ZDHHC20: variants seen among roughly 807,000 people sequenced by gnomAD.
ZDHHC20 encodes palmitoyltransferase ZDHHC20.
ZDHHC20 carries 43 observed loss-of-function variants against 57.8 expected under a neutral mutation model. The ratio of observed to expected loss-of-function variants is 0.74; its 90% confidence interval spans 0.58 to 0.96. The LOEUF is 0.96. Ranked by LOEUF, ZDHHC20 falls within the 40% of genes least tolerant of loss-of-function variation. The pLI, the probability that ZDHHC20 is intolerant of heterozygous loss-of-function variation, is 0.00. For synonymous variants in ZDHHC20, 157 were observed against 153.0 expected, an observed-to-expected ratio of 1.03 and a Z score of -0.19; for missense variants, 391 against 441.1, an observed-to-expected ratio of 0.89 and a Z score of 1.02.
chr13:21,393,276 G>A (rs1490572634), intron 7 of ZDHHC20, among the ~76,000 whole-genome samples: 2 of 151,844 alleles, frequency 1.3e-5, no homozygotes, highest in African/African-American at 2.4e-5. Flanking sequence ...GCGGAGACAG[G>A]CGGATCACTT....
chr13:21,380,865 A>G (rs1873249938), intron 11 of ZDHHC20, among the ~76,000 whole-genome samples: 1 of 152,118 alleles, frequency 6.6e-6, no homozygotes, highest in African/African-American at 2.4e-5. Context: ...TCAGTGGAGA[A>G]ATATGTGGCT....
At chr13:21,389,045 T>C (rs182051903) in intron 8 of ZDHHC20, among the ~76,000 whole-genome samples, 55 of 152,304 alleles carry the variant, frequency 3.6e-4, no homozygotes, top group Non-Finnish European at 7.1e-4. Context: ...TATTCAAGTT[T>C]AAAATTTCAT....
chr13:21,426,226 C>T (rs535707798), intron 1 of ZDHHC20, among the ~76,000 whole-genome samples: 2 of 152,178 alleles, frequency 1.3e-5, no homozygotes, highest in Non-Finnish European at 1.5e-5. Flanking sequence ...TTTCTTCCAC[C>T]TTGTATTACT....
chr13:21,406,361 A>G (rs1878440300), intron 4 of ZDHHC20, among the ~76,000 whole-genome samples: 1 of 152,260 alleles, frequency 6.6e-6, no homozygotes, highest in Admixed American at 6.5e-5. Flanking sequence ...AAGCATTTCA[A>G]CCAGGTTTCT....
chr13:21,391,240 T>A (rs1875653708), intron 8 of ZDHHC20, among the ~76,000 whole-genome samples: 1 of 152,188 alleles, frequency 6.6e-6, no homozygotes, highest in Non-Finnish European at 1.5e-5. Context: ...GTGCTGGGAT[T>A]ACAGGTGTGA....
intron 1 of ZDHHC20, among the ~76,000 whole-genome samples, chr13:21,450,284 G>A (rs1422916811): frequency 2.6e-5 from 4 of 152,136 alleles, no homozygotes; most frequent in Non-Finnish European, 5.9e-5. Flanking sequence ...AAGGGAGCGG[G>A]CAGAGAAGCA....
rs1881154827 is a variant in ZDHHC20, at chr13:21,425,563, AAC to A, written c.145+87_145+88del. 6.3e-6 allele frequency: 6 copies of A among 956,410 alleles called. No homozygotes were observed. The South Asian group carries it at 1.1e-4, about 18-fold the overall frequency. 59.2% of individuals were successfully genotyped at this position (956,410 alleles called of 1,614,324 possible). On this transcript the variant is annotated intron_variant, in intron 2 of 12. Coordinates refer to ENST00000400590, the MANE Select transcript of ZDHHC20 (RefSeq NM_001330059.2). ...AGGGATTTTATTTCTAAAAAACAAAAACACATGCATTCATCACTAAATAAAAA... is the reference window on the plus strand; with the variant it reads ...AGGGATTTTATTTCTAAAAAACAAAAACATGCATTCATCACTAAATAAAAA...
At chr13:21,401,626 C>A in intron 6 of ZDHHC20, 27 bp downstream of exon 6, 1 of 1,528,832 alleles carries the variant, frequency 6.5e-7, no homozygotes, top group South Asian at 1.3e-5. Flanking sequence ...ACCACCAATG[C>A]AATTTCTTCT....
intron 3 of ZDHHC20, among the ~76,000 whole-genome samples, chr13:21,414,925 CTTCA>C (rs1277396914): frequency 6.6e-6 from 1 of 150,752 alleles, no homozygotes; most frequent in Non-Finnish European, 1.5e-5. Flanking sequence ...GAGATTTGTT[CTTCA>C]TTGTGTTTTA....
At chr13:21,398,344 G>A (rs1877123941) in intron 7 of ZDHHC20, among the ~76,000 whole-genome samples, 1 of 151,934 alleles carries the variant, frequency 6.6e-6, no homozygotes, top group Non-Finnish European at 1.5e-5. Flanking sequence ...GGTGCCTGTA[G>A]TCCCAGCTAC....
intron 1 of ZDHHC20, among the ~76,000 whole-genome samples, chr13:21,442,450 T>A (rs1254164039): frequency 6.6e-6 from 1 of 152,224 alleles, no homozygotes; most frequent in Non-Finnish European, 1.5e-5. Flanking sequence ...CTGTTTTTAT[T>A]GAGTTTTAAA....
chr13:21,428,470 T>C (rs1881539650), intron 1 of ZDHHC20, among the ~76,000 whole-genome samples: 1 of 151,570 alleles, frequency 6.6e-6, no homozygotes, highest in Non-Finnish European at 1.5e-5. Context: ...CCACCTGCCT[T>C]GGACTCCTGA....
chr13:21,448,593 T>C (rs1434169688), intron 1 of ZDHHC20, among the ~76,000 whole-genome samples: 3 of 49,036 alleles, frequency 6.1e-5, no homozygotes, highest in Admixed American at 1.9e-4. Context: ...GGGAGGGAGG[T>C]GGGGGGGTCA....
chr13:21,391,708 T>G lies in ZDHHC20; in HGVS notation c.727+14A>C. On this transcript the variant is annotated intron_variant, in intron 8 of 12. Transcript: ENST00000400590. ...ATTGTCCTAAGTAATTATAATTTAT[T>G]TTAACCTACTTACCTATTGTTGTTC... The G allele has an allele frequency of 6.3e-7, 1 of 1,592,686 alleles. No homozygotes were observed. The highest frequency in any genetic ancestry group is 1.2e-5 in the South Asian group (1 of 86,436).
chr13:21,457,181 A>G (rs1847882823), intron 1 of ZDHHC20, among the ~76,000 whole-genome samples: 1 of 152,224 alleles, frequency 6.6e-6, no homozygotes, highest in Non-Finnish European at 1.5e-5. Context: ...GACTTTTCAC[A>G]GCACTGTTTG....
intron 1 of ZDHHC20, among the ~76,000 whole-genome samples, chr13:21,445,551 GCTAT>G (rs1883604315): frequency 1.3e-5 from 2 of 152,132 alleles, no homozygotes; most frequent in South Asian, 4.1e-4. Flanking sequence ...TAATGAACAG[GCTAT>G]CTGAAATCCA....
At chr13:21,390,422 T>C (rs1170299693) in intron 8 of ZDHHC20, among the ~76,000 whole-genome samples, 3 of 152,206 alleles carry the variant, frequency 2.0e-5, no homozygotes, top group African/African-American at 7.2e-5. Flanking sequence ...CCCTATATTT[T>C]CATTTTTTAA....
chr13:21,395,210 G>A (rs1876560627), intron 7 of ZDHHC20, among the ~76,000 whole-genome samples: 1 of 151,770 alleles, frequency 6.6e-6, no homozygotes, highest in Admixed American at 6.6e-5. Flanking sequence ...GGGACTACAG[G>A]CGCCAGCTAC....
chr13:21,447,640 A>C, intron 1 of ZDHHC20, among the ~76,000 whole-genome samples: 2 of 127,252 alleles, frequency 1.6e-5, no homozygotes, highest in African/African-American at 5.7e-5. Context: ...TACAACCTAC[A>C]CCTCCCAGCC....
Sources: allele counts gnomAD v4.1 joint callset (sites outside exome capture counted in the v4.1 genomes callset), GRCh38; gene constraint gnomAD v4.1.1; transcripts MANE v1.5; gene names NCBI Gene and HGNC (gene_info 2026-07-23, HGNC 2026-07-21).